RBFOX1: variants seen among roughly 807,000 people sequenced by gnomAD.
RBFOX1 encodes RNA binding fox-1 homolog 1.
A neutral mutation model predicts 57.7 loss-of-function variants in RBFOX1; 8 were observed. The ratio of observed to expected loss-of-function variants is 0.14; its 90% CI spans 0.08 to 0.25. The LOEUF is 0.25. Among genes scored for constraint, RBFOX1 ranks in the 10% least tolerant of loss-of-function variants. The pLI, the probability that RBFOX1 is intolerant of heterozygous loss-of-function variation, is 1.00. For synonymous variants in RBFOX1, 326 were observed against 222.4 expected (o/e 1.47, Z -4.15); for missense variants, 611 against 548.5 (o/e 1.11, Z -1.14).
At chr16:6,542,470 G>A (rs1177539540) in intron 2 of RBFOX1, among the ~76,000 whole-genome samples, 2 of 126,432 alleles carry the variant, frequency 1.6e-5, no homozygotes, top group African/African-American at 5.9e-5. Context: ...ACTGCCCTGT[G>A]TGGGACCATA....
chr16:6,943,171 T>A (rs923055049), intron 3 of RBFOX1, among the ~76,000 whole-genome samples: 3 of 152,172 alleles, frequency 2.0e-5, no homozygotes, highest in African/African-American at 7.2e-5. Context: ...CTCTCCACTC[T>A]CCACAGACCT....
intron 11 of RBFOX1, among the ~76,000 whole-genome samples, chr16:7,648,047 GC>G (rs767565881): frequency 6.6e-6 from 1 of 152,026 alleles, no homozygotes; most frequent in Non-Finnish European, 1.5e-5. Context: ...ACACCTGTAG[GC>G]AAATAATAAA....
chr16:5,718,982 A>AAAC, intron 3 of RBFOX1, among the ~76,000 whole-genome samples: 1 of 151,938 alleles, frequency 6.6e-6, no homozygotes, highest in African/African-American at 2.4e-5. Context: ...TTAAAAAAAA[A>AAAC]AAACAATATT....
At chr16:6,361,033 C>T (rs897508959) in intron 2 of RBFOX1, among the ~76,000 whole-genome samples, 8 of 151,966 alleles carry the variant, frequency 5.3e-5, no homozygotes, top group African/African-American at 1.9e-4. Flanking sequence ...CAAGCTGAGC[C>T]GTTGCCATTA....
chr16:7,103,395 C>G (rs1487777608), intron 4 of RBFOX1, among the ~76,000 whole-genome samples: 1 of 152,132 alleles, frequency 6.6e-6, no homozygotes, highest in Non-Finnish European at 1.5e-5. Flanking sequence ...GCTGGCCTGG[C>G]CCATTTCTAC....
At chr16:6,862,956 G>C (rs905210234) in intron 3 of RBFOX1, among the ~76,000 whole-genome samples, 13 of 150,954 alleles carry the variant, frequency 8.6e-5, no homozygotes, top group Non-Finnish European at 1.6e-4. Flanking sequence ...CTGCACTCCA[G>C]CCTGGGCGAC....
chr16:7,598,803 C>A (rs1391273170), intron 9 of RBFOX1, among the ~76,000 whole-genome samples: 1 of 152,098 alleles, frequency 6.6e-6, no homozygotes, highest in East Asian at 1.9e-4. Context: ...TAATTCATTT[C>A]AGTGGTTATG....
intron 2 of RBFOX1, among the ~76,000 whole-genome samples, chr16:6,542,045 C>T (rs901139449): frequency 2.0e-5 from 3 of 151,950 alleles, no homozygotes; most frequent in African/African-American, 7.3e-5. Flanking sequence ...CCTCCCATCT[C>T]AGCCTCCCGA....
At chr16:5,865,231 G>A (rs1361244941) in intron 3 of RBFOX1, among the ~76,000 whole-genome samples, 1 of 152,160 alleles carries the variant, frequency 6.6e-6, no homozygotes, top group African/African-American at 2.4e-5. Context: ...GTTTTCAGCA[G>A]AGAAATACAC....
At chr16:6,250,797 C>A (rs1055136138) in intron 1 of RBFOX1, among the ~76,000 whole-genome samples, 2 of 152,120 alleles carry the variant, frequency 1.3e-5, no homozygotes, top group African/African-American at 2.4e-5. Flanking sequence ...GGAAATTAAT[C>A]CCCCAAATGG....
intron 3 of RBFOX1, among the ~76,000 whole-genome samples, chr16:5,615,096 G>A (rs1237317644): frequency 6.6e-6 from 1 of 152,174 alleles, no homozygotes; most frequent in Non-Finnish European, 1.5e-5. Context: ...ATGCAGTGGT[G>A]CCGTCATAGC....
chr16:6,017,130 TAATC>T (rs930697599), upstream of RBFOX1, among the ~76,000 whole-genome samples: 30 of 152,290 alleles, frequency 2.0e-4, no homozygotes, highest in African/African-American at 6.5e-4. Context: ...GTATTAAAAA[TAATC>T]AAAGGGCCCA....
intron 3 of RBFOX1, among the ~76,000 whole-genome samples, chr16:6,925,903 C>G (rs1184502863): frequency 3.3e-5 from 5 of 152,010 alleles, no homozygotes; most frequent in Non-Finnish European, 7.4e-5. Flanking sequence ...GTTTTATCAT[C>G]TATTTATTTA....
chr16:6,025,465 T>C (rs1463192252), intron 1 of RBFOX1, among the ~76,000 whole-genome samples: 1 of 152,190 alleles, frequency 6.6e-6, no homozygotes, highest in Non-Finnish European at 1.5e-5. Flanking sequence ...AGATTTTCTT[T>C]CTCTGGGGCC....
At chr16:5,526,469 A>G (rs1567194162) in intron 2 of RBFOX1, among the ~76,000 whole-genome samples, 2 of 152,022 alleles carry the variant, frequency 1.3e-5, no homozygotes, top group African/African-American at 4.8e-5. Flanking sequence ...TTGTATTGTT[A>G]GTAGAGATGG....
rs544776884 is a variant in RBFOX1 at position 5,946,317 on chromosome 16, C to G, written c.351+78982C>G. On this transcript the variant is annotated intron_variant, in intron 4 of 19. Coordinates refer to the RBFOX1 transcript ENST00000641259. This position sits in a 1 kb window ranked among gnomAD's most constrained non-coding sequence, Gnocchi z 4.6. ...CTCATAGGGTTATTTGAGGCTCAGA[C>G]TAAATGGATGTGAGTGTGTCTTCAA... Among the ~76,000 whole-genome samples the G allele has an allele frequency of 6.6e-6, 1 of 152,278 alleles. No homozygotes were observed. Among genetic ancestry groups the G allele is most frequent in the East Asian group, 1.9e-4 (1 of 5,180 alleles).
chr16:5,624,374 T>C (rs8051945), intron 3 of RBFOX1, among the ~76,000 whole-genome samples: 75,021 of 152,126 alleles, frequency 0.49, 22,444 homozygotes, highest in Non-Finnish European at 0.68. Context: ...TTTTTTCTTA[T>C]TTTTAGTAGA....
At chr16:6,786,047 A>G (rs1177512885) in intron 3 of RBFOX1, among the ~76,000 whole-genome samples, 1 of 152,190 alleles carries the variant, frequency 6.6e-6, no homozygotes, top group Non-Finnish European at 1.5e-5. Context: ...TAGTGTCTGC[A>G]CTGGGGAGGA....
intron 3 of RBFOX1, among the ~76,000 whole-genome samples, chr16:6,875,873 G>A (rs773098524): frequency 1.6e-4 from 25 of 152,206 alleles, no homozygotes; most frequent in African/African-American, 3.4e-4. Flanking sequence ...TGGTCCATGC[G>A]TGGAATCCAG....
Sources: gnomAD v4.1 joint callset for allele counts (sites outside exome capture counted in the v4.1 genomes callset) on GRCh38, gnomAD v4.1.1 for gene constraint, Gnocchi (gnomAD v3.1) non-coding constraint, MANE v1.5 for transcripts, NCBI Gene and HGNC (gene_info 2026-07-23, HGNC 2026-07-21) for gene names.